CDC42SE2: variants seen among roughly 807,000 people sequenced by gnomAD.
The protein encoded by CDC42SE2 is CDC42 small effector 2, also known as CDC42 small effector protein 2.
Under a neutral mutation model 11.5 loss-of-function variants are expected in CDC42SE2, and 3 were observed. That is an observed-to-expected ratio of 0.26 (90% CI 0.12 to 0.67). The LOEUF is 0.67. CDC42SE2 is among the 30% of genes least tolerant of loss of function. CDC42SE2 has a pLI of 0.80. For synonymous variants in CDC42SE2, 33 were observed against 34.8 expected, an observed-to-expected ratio of 0.95 and a Z score of 0.18; for missense variants, 82 against 106.8, an observed-to-expected ratio of 0.77 and a Z score of 1.02.
chr5:131,298,275 A>AT lies in CDC42SE2; in HGVS notation c.-454-17691dup, dbSNP rs1301637070. On this transcript the variant is annotated intron_variant, in intron 1 of 4. Transcript: ENST00000505065. ...GCACCACCATGCCTGGCTAATTTTT[A>AT]TTTTTTTTTTAAGTAGAGATGGGGT... Among the ~76,000 whole-genome samples, 109 of 146,374 alleles carry AT rather than the reference A, an allele frequency of 7.4e-4. No homozygotes were observed. In the East Asian group the frequency reaches 9.4e-3, roughly 13 times the overall value.
the CDC42SE2 span, among the ~76,000 whole-genome samples, chr5:131,232,650 C>T: frequency 1.4e-5 from 2 of 143,906 alleles, no homozygotes; most frequent in African/African-American, 5.3e-5. Flanking sequence ...AGGAGAATTG[C>T]TTAAACACAG....
chr5:131,372,623 G>C (rs1750042925), intron 3 of CDC42SE2, among the ~76,000 whole-genome samples: 3 of 152,050 alleles, frequency 2.0e-5, no homozygotes. Context: ...CACTGAGGCA[G>C]AATTGCTTGA....
At chr5:131,283,973 A>T (rs774880506) in intron 1 of CDC42SE2, among the ~76,000 whole-genome samples, 1 of 152,196 alleles carries the variant, frequency 6.6e-6, no homozygotes, top group Non-Finnish European at 1.5e-5. Flanking sequence ...TATCTTGGGT[A>T]TATATACCTA....
At chr5:131,362,556 C>T (rs1749739248) in intron 3 of CDC42SE2, among the ~76,000 whole-genome samples, 1 of 152,184 alleles carries the variant, frequency 6.6e-6, no homozygotes. Context: ...TGCCGACTCT[C>T]CCACTTGTTC....
chr5:131,394,136 C>T lies in CDC42SE2; in HGVS notation c.*3045C>T, dbSNP rs1750776840. ...AGAGGTCATTTGTTCCCCATAGCAG[C>T]ATATCTCATTTTTAAATTGAAGCGA... is the stretch of plus-strand genomic sequence containing the variant. On this transcript the variant is annotated 3_prime_UTR_variant, in exon 5 of 5. Coordinates refer to ENST00000505065, the MANE Select transcript of CDC42SE2 (RefSeq NM_001375635.1). The T allele has an allele frequency of 6.6e-6, 1 of 152,280 alleles. No individual in the cohort carries two copies. The highest frequency in any genetic ancestry group is 6.5e-5 in the Admixed American group (1 of 15,276). 9.4% of individuals were successfully genotyped at this position (152,280 alleles called of 1,614,324 possible). A position where few individuals can be genotyped will look rare whatever the true frequency, so the allele number is the denominator to read the frequency against.
intron 1 of CDC42SE2, among the ~76,000 whole-genome samples, chr5:131,313,686 C>T (rs964943372): frequency 6.6e-6 from 1 of 152,200 alleles, no homozygotes; most frequent in African/African-American, 2.4e-5. Flanking sequence ...TTAAGTCTCT[C>T]TGCCTACTAG....
intron 1 of CDC42SE2, among the ~76,000 whole-genome samples, chr5:131,304,280 G>A (rs1437054024): frequency 6.6e-6 from 1 of 151,876 alleles, no homozygotes; most frequent in Non-Finnish European, 1.5e-5. Flanking sequence ...CACTGTACCC[G>A]GCCTAAAATA....
At chr5:131,312,885 A>C (rs1419434373) in intron 1 of CDC42SE2, among the ~76,000 whole-genome samples, 1 of 152,194 alleles carries the variant, frequency 6.6e-6, no homozygotes, top group Non-Finnish European at 1.5e-5. Context: ...ATGGAAATGC[A>C]GAAATCACCC....
chr5:131,217,237 C>T, the CDC42SE2 span, among the ~76,000 whole-genome samples: 8 of 152,188 alleles, frequency 5.3e-5, no homozygotes, highest in Non-Finnish European at 1.0e-4. Context: ...GCTACAGCAA[C>T]ACGGTTGAGT....
At chr5:131,320,681 C>G (rs1228853121) in intron 2 of CDC42SE2, among the ~76,000 whole-genome samples, 1 of 151,862 alleles carries the variant, frequency 6.6e-6, no homozygotes, top group Non-Finnish European at 1.5e-5. Flanking sequence ...GCGGAGGATG[C>G]AGTGAGCTGA....
intron 2 of CDC42SE2, among the ~76,000 whole-genome samples, chr5:131,330,692 G>A (rs1359450817): frequency 6.6e-6 from 1 of 151,950 alleles, no homozygotes; most frequent in African/African-American, 2.4e-5. Context: ...ATCCCACAAT[G>A]CACAGGACAG....
At chr5:131,225,084 T>A in the CDC42SE2 span, among the ~76,000 whole-genome samples, 3 of 151,948 alleles carry the variant, frequency 2.0e-5, no homozygotes, top group Admixed American at 2.0e-4. Flanking sequence ...TGAGCCAAGC[T>A]CAGAGGATAG....
chr5:131,363,001 C>T (rs939839571), intron 3 of CDC42SE2, among the ~76,000 whole-genome samples: 3 of 151,816 alleles, frequency 2.0e-5, no homozygotes, highest in Admixed American at 1.3e-4. Context: ...AAAAATTAGC[C>T]GGTGTGATGT....
At chr5:131,371,720 C>T (rs1419037105) in intron 3 of CDC42SE2, among the ~76,000 whole-genome samples, 1 of 152,114 alleles carries the variant, frequency 6.6e-6, no homozygotes, top group African/African-American at 2.4e-5. Flanking sequence ...CATTTTAAGA[C>T]CAGTTTTCTT....
chr5:131,342,786 C>G (rs936841472), intron 2 of CDC42SE2, among the ~76,000 whole-genome samples: 1 of 152,004 alleles, frequency 6.6e-6, no homozygotes, highest in African/African-American at 2.4e-5. Flanking sequence ...AATCTTGGCT[C>G]ACTGCAACCT....
the CDC42SE2 span, among the ~76,000 whole-genome samples, chr5:131,220,884 C>CTTTTTT: frequency 7.7e-6 from 1 of 129,040 alleles, no homozygotes; most frequent in African/African-American, 3.1e-5. Flanking sequence ...CACCAGAAAC[C>CTTTTTT]TTTTTTTTTT....
chr5:131,315,088 G>A (rs1159050037), intron 1 of CDC42SE2, among the ~76,000 whole-genome samples: 2 of 151,952 alleles, frequency 1.3e-5, no homozygotes, highest in African/African-American at 4.8e-5. Context: ...CGGAATATAT[G>A]GATTATGGTG....
chr5:131,274,599 G>A (rs1043011847), intron 1 of CDC42SE2, among the ~76,000 whole-genome samples: 4 of 152,278 alleles, frequency 2.6e-5, no homozygotes, highest in South Asian at 2.1e-4. Context: ...TTACTCCTGT[G>A]TTCAAACCCT....
chr5:131,240,723 A>C (rs1756533706), upstream of CDC42SE2, among the ~76,000 whole-genome samples: 2 of 152,206 alleles, frequency 1.3e-5, no homozygotes, highest in South Asian at 4.1e-4. Context: ...ATTGCTTTTA[A>C]ACATAAAAGG....
Sources: allele counts gnomAD v4.1 joint callset (sites outside exome capture counted in the v4.1 genomes callset), GRCh38; gene constraint gnomAD v4.1.1; transcripts MANE v1.5; gene names NCBI Gene and HGNC (gene_info 2026-07-23, HGNC 2026-07-21).